Variants in PARN observed in about 807,000 individuals in gnomAD.
PARN encodes the protein poly(A)-specific ribonuclease PARN.
In PARN, 71 loss-of-function variants were observed where a neutral mutation model predicts 102.8. The observed-to-expected ratio is 0.69, with a 90% CI of 0.57 to 0.84. The LOEUF is 0.84. Ranked by LOEUF, PARN falls within the 40% of genes least tolerant of loss-of-function variation. The probability of loss-of-function intolerance (pLI) is 0.00; values close to 1 mark genes in which losing one functional copy is unlikely to be tolerated. For missense variants in PARN, 782 were observed against 760.9 expected, an observed-to-expected ratio of 1.03 and a Z score of -0.33; for synonymous variants, 261 against 252.9, an observed-to-expected ratio of 1.03 and a Z score of -0.30.
At chr16:14,609,934 C>A (rs189627937) in intron 7 of PARN, among the ~76,000 whole-genome samples, 1 of 152,240 alleles carries the variant, frequency 6.6e-6, no homozygotes, top group African/African-American at 2.4e-5. Flanking sequence ...AGAAAAGGGG[C>A]TGGACAATGG....
chr16:14,620,081 A>C (rs529193829), intron 5 of PARN, among the ~76,000 whole-genome samples: 20 of 149,056 alleles, frequency 1.3e-4, no homozygotes, highest in African/African-American at 4.9e-4. Context: ...AAAAAAAAAA[A>C]AAAAAAAAAA....
chr16:14,600,034 A>C, intron 11 of PARN, 74 bp from the exon 12 acceptor site: 1 of 797,126 alleles, frequency 1.3e-6, no homozygotes, highest in Non-Finnish European at 1.9e-6. Flanking sequence ...AACTACCCCA[A>C]AAAAAAGACA....
chr16:14,447,033 T>C lies in PARN; in HGVS notation c.1719A>G (p.Gln573=). The change falls in exon 23 of 24, where the codon CAA becomes CAG. Residue 573 remains glutamine, a synonymous_variant. Coordinates refer to ENST00000437198, the MANE Select transcript of PARN (RefSeq NM_002582.4). Reference sequence around the variant, plus strand: ...CTCCGTCCTCCAGGCCAGCTTCCTCTTGACTAGGACTCAAATTTCTCTTTC... The same window carrying C: ...CTCCGTCCTCCAGGCCAGCTTCCTCCTGACTAGGACTCAAATTTCTCTTTC... ...TVGKRNLSPS[Q]EEAGLEDGVS... is the part of the protein sequence containing the mutation. 2 of 1,613,938 alleles carry C rather than the reference T, an allele frequency of 1.2e-6. No individual in the cohort carries two copies. Among genetic ancestry groups the C allele is most frequent in the Non-Finnish European group, 1.7e-6 (2 of 1,179,838 alleles).
At chr16:14,475,725 G>A (rs1963006200) in intron 22 of PARN, among the ~76,000 whole-genome samples, 2 of 152,220 alleles carry the variant, frequency 1.3e-5, no homozygotes, top group Admixed American at 6.5e-5. Context: ...TCACAGAGCA[G>A]TGCCTGTCTT....
intron 21 of PARN, among the ~76,000 whole-genome samples, chr16:14,525,371 C>T (rs1438482151): frequency 2.0e-5 from 3 of 152,164 alleles, no homozygotes; most frequent in Non-Finnish European, 4.4e-5. Context: ...TTGTAACCCT[C>T]AATGCAGCGG....
intron 21 of PARN, among the ~76,000 whole-genome samples, chr16:14,544,323 T>C (rs1057140866): frequency 1.3e-5 from 2 of 152,128 alleles, no homozygotes; most frequent in African/African-American, 4.8e-5. Flanking sequence ...ATCTGTAATC[T>C]CAGCACTTTC....
intron 11 of PARN, among the ~76,000 whole-genome samples, chr16:14,602,631 G>T (rs920618695): frequency 2.6e-5 from 4 of 152,102 alleles, no homozygotes; most frequent in Non-Finnish European, 5.9e-5. Flanking sequence ...GCTAATCTGC[G>T]TCTTGGCCAC....
At chr16:14,446,747 T>C (rs778144415) in intron 23 of PARN, 141 bp downstream of exon 23, 19 of 583,712 alleles carry the variant, frequency 3.3e-5, no homozygotes, top group Non-Finnish European at 3.8e-5. Flanking sequence ...AAATTGATCC[T>C]AAAAATATCT....
chr16:14,438,325 GT>G (rs952905331), intron 23 of PARN, among the ~76,000 whole-genome samples: 61 of 152,186 alleles, frequency 4.0e-4, no homozygotes, highest in African/African-American at 1.5e-3. Context: ...AATGCCAAAT[GT>G]GGGGAACTGA....
At chr16:14,501,660 T>C (rs1420912329) in intron 21 of PARN, 4 of 151,994 alleles carry the variant, frequency 2.6e-5, no homozygotes, top group Non-Finnish European at 5.9e-5. Flanking sequence ...CACCATGTTA[T>C]TAAAGCCATC....
intron 6 of PARN, 140 bp downstream of exon 6, chr16:14,617,450 C>A: frequency 1.7e-6 from 1 of 573,816 alleles, no homozygotes; most frequent in Admixed American, 2.9e-5. Flanking sequence ...CATATGTGTA[C>A]TGGCTGCACA....
chr16:14,593,878 C>G (rs1242590525), intron 12 of PARN, among the ~76,000 whole-genome samples: 2 of 151,818 alleles, frequency 1.3e-5, no homozygotes, highest in African/African-American at 4.8e-5. Context: ...ATGCCTATAA[C>G]TCCAGCTACC....
intron 21 of PARN, among the ~76,000 whole-genome samples, chr16:14,507,475 T>C (rs991056186): frequency 1.1e-4 from 16 of 152,008 alleles, no homozygotes; most frequent in Non-Finnish European, 1.9e-4. Context: ...GGTGGGTGCA[T>C]AGCTTGGGCC....
At chr16:14,603,760 T>G (rs1971015186) in intron 11 of PARN, among the ~76,000 whole-genome samples, 1 of 152,218 alleles carries the variant, frequency 6.6e-6, no homozygotes, top group African/African-American at 2.4e-5. Flanking sequence ...CAGTACAACC[T>G]AAGCATGTCA....
intron 6 of PARN, among the ~76,000 whole-genome samples, chr16:14,615,672 A>C: frequency 6.6e-6 from 1 of 152,172 alleles, no homozygotes; most frequent in Non-Finnish European, 1.5e-5. Flanking sequence ...AGGCAAAGGT[A>C]AGTGAATCAC....
chr16:14,500,381 T>C (rs1964522779), intron 21 of PARN, among the ~76,000 whole-genome samples: 2 of 152,074 alleles, frequency 1.3e-5, no homozygotes, highest in Admixed American at 6.6e-5. Context: ...GTAAACTTTA[T>C]CTTTTACTTT....
chr16:14,553,805 A>G (rs139995439), intron 20 of PARN, among the ~76,000 whole-genome samples: 2 of 152,340 alleles, frequency 1.3e-5, no homozygotes, highest in African/African-American at 4.8e-5. Flanking sequence ...TTCCCTGGTC[A>G]GTAGTAAGGA....
intron 1 of PARN, 33 bp downstream of exon 1, chr16:14,630,073 TG>T (rs1972946600): frequency 1.3e-6 from 2 of 1,544,998 alleles, no homozygotes; most frequent in Non-Finnish European, 1.8e-6. Context: ...CAGCCGGGTG[TG>T]GGGAGGCGGG....
intron 21 of PARN, among the ~76,000 whole-genome samples, chr16:14,532,190 TTTTTA>T (rs1300932901): frequency 6.6e-6 from 1 of 151,192 alleles, no homozygotes; most frequent in Non-Finnish European, 1.5e-5. Flanking sequence ...TTTTTTTTTT[TTTTTA>T]ATTGTTCATT....
Sources: gnomAD v4.1 joint callset for allele counts (sites outside exome capture counted in the v4.1 genomes callset) on GRCh38, gnomAD v4.1.1 for gene constraint, MANE v1.5 for transcripts, NCBI Gene and HGNC (gene_info 2026-07-23, HGNC 2026-07-21) for gene names.